The following LRP2 variants were observed in gnomAD, a reference collection of about 807,000 sequenced individuals.
The protein encoded by LRP2 is LDL receptor related protein 2.
Under a neutral mutation model 531.0 loss-of-function variants are expected in LRP2, and 172 were observed. The ratio of observed to expected loss-of-function variants is 0.32; its 90% CI spans 0.29 to 0.37. The LOEUF is 0.37. LRP2 is among the 10% of genes least tolerant of loss of function. The pLI is 1.00. For missense variants in LRP2, 5,167 were observed against 5,868.3 expected, an observed-to-expected ratio of 0.88 and a Z score of 3.90; for synonymous variants, 1,992 against 2,027.6, an observed-to-expected ratio of 0.98 and a Z score of 0.47.
intron 53 of LRP2, among the ~76,000 whole-genome samples, chr2:169,177,341 A>T (rs1687232944): frequency 6.6e-6 from 1 of 152,184 alleles, no homozygotes; most frequent in Non-Finnish European, 1.5e-5. Flanking sequence ...AAAAAACACT[A>T]AAACGCACTG....
In LRP2 at chr2:169,362,387, G is replaced by T; in HGVS notation, c.13C>A (p.Pro5Thr). 3 of 1,565,226 alleles carry T rather than the reference G, an allele frequency of 1.9e-6. No individual in the cohort carries two copies. The highest frequency in any genetic ancestry group is 1.8e-5 in the Admixed American group (1 of 54,606). Reference sequence around the variant, plus strand: ...AGCAGCGTGCACGCCACTGCTGCCGGCCCGCGATCCATCTCCGCGACGGTC... The same window carrying T: ...AGCAGCGTGCACGCCACTGCTGCCGTCCCGCGATCCATCTCCGCGACGGTC... Reference protein sequence around the residue: MDRGPAAVACTLLLA... With the variant: MDRGTAAVACTLLLA... The change falls in exon 1 of 79, where the codon CCG (proline) becomes ACG (threonine). Residue 5 changes from proline to threonine, a missense_variant. Physicochemically the swap from Pro to Thr is conservative, Grantham distance 38. This residue lies in a region of LRP2 where 2,811 missense variants were observed against 3,058.0 expected (regional missense o/e 0.92). Coordinates refer to ENST00000649046, the MANE Select transcript of LRP2 (RefSeq NM_004525.3).
chr2:169,357,873 G>C (rs962430802), intron 1 of LRP2, among the ~76,000 whole-genome samples: 2 of 152,074 alleles, frequency 1.3e-5, no homozygotes, highest in Non-Finnish European at 2.9e-5. Context: ...CCTTTAGTAA[G>C]ACTGAAAACC....
At chr2:169,198,270 T>C (rs1002977097) in intron 45 of LRP2, among the ~76,000 whole-genome samples, 5 of 151,784 alleles carry the variant, frequency 3.3e-5, no homozygotes, top group African/African-American at 1.2e-4. Flanking sequence ...AAAAATTAGC[T>C]GGGCATGGTG....
chr2:169,225,703 C>T lies in LRP2; in HGVS notation c.5395-250G>A, dbSNP rs16856642. On this transcript the variant is annotated intron_variant, in intron 32 of 78. Transcript: ENST00000649046. ...CTACAGAGATAGTTCTTAACTACCACAAGCATACAAGTCATGAGAAAAACC... is the reference window on the plus strand; with the variant it reads ...CTACAGAGATAGTTCTTAACTACCATAAGCATACAAGTCATGAGAAAAACC... Among the ~76,000 whole-genome samples the T allele has an allele frequency of 0.017, 2,639 of 152,298 alleles. 74 individuals carry two copies. Among genetic ancestry groups the T allele is most frequent in the African/African-American group, 0.058 (2,402 of 41,542 alleles).
chr2:169,265,777 G>A (rs1200659649), intron 16 of LRP2, among the ~76,000 whole-genome samples: 1 of 151,998 alleles, frequency 6.6e-6, no homozygotes, highest in Non-Finnish European at 1.5e-5. Flanking sequence ...TCAGCAAAAT[G>A]AGGAAATAAA....
intron 4 of LRP2, among the ~76,000 whole-genome samples, chr2:169,294,929 T>C (rs1684098260): frequency 6.6e-6 from 1 of 152,000 alleles, no homozygotes; most frequent in African/African-American, 2.4e-5. Flanking sequence ...AATTACAAAC[T>C]GGGATAAGTG....
chr2:169,354,680 G>T (rs78510176), intron 1 of LRP2, among the ~76,000 whole-genome samples: 1,601 of 152,248 alleles, frequency 0.011, 17 homozygotes, highest in African/African-American at 0.037. Context: ...CTCAGCTAAT[G>T]TGATTAGAGA....
At position 169,338,797 on chromosome 2, in the gene LRP2, G is replaced by A. The variant is rs375529596; in HGVS notation, c.80-17913C>T. ...AGGGCAAGGAAGGGGAAGAGCACGCGAAGACTGCTTAGAAGCCAAGTAACT... is the reference window on the plus strand; with the variant it reads ...AGGGCAAGGAAGGGGAAGAGCACGCAAAGACTGCTTAGAAGCCAAGTAACT... On this transcript the variant is annotated intron_variant, in intron 1 of 78. Transcript: ENST00000649046. 1.9e-3 allele frequency among the ~76,000 whole-genome samples: 295 copies of A among 152,256 alleles called. 1 individual carries two copies. In the South Asian group the frequency reaches 0.026, roughly 13 times the overall value.
chr2:169,184,521 T>C (rs1210497332), intron 50 of LRP2, among the ~76,000 whole-genome samples: 1 of 152,236 alleles, frequency 6.6e-6, no homozygotes, highest in East Asian at 1.9e-4. Context: ...TGCAGATTGA[T>C]GTCTATTGAC....
rs1219304184 is a variant in LRP2, at chr2:169,235,700, T to C, written c.4920+140A>G. 15 of 709,300 alleles carry C rather than the reference T, an allele frequency of 2.1e-5. No homozygotes were observed. In the Admixed American group the frequency reaches 2.2e-4, roughly 10 times the overall value. 43.9% of individuals were successfully genotyped at this position (709,300 alleles called of 1,614,324 possible). ...TTAGTCATATGGGATAGACTGCCTC[T>C]CACTGTTGCTGGTATTTCCTGGATT... On this transcript the variant is annotated intron_variant, in intron 29 of 78. Coordinates refer to ENST00000649046, the MANE Select transcript of LRP2 (RefSeq NM_004525.3).
intron 1 of LRP2, among the ~76,000 whole-genome samples, chr2:169,355,979 C>G (rs1233565086): frequency 6.6e-6 from 1 of 152,188 alleles, no homozygotes; most frequent in African/African-American, 2.4e-5. Flanking sequence ...TAGCCTCGAC[C>G]TCCTGGGCTC....
chr2:169,223,079 G>A (rs1689075922), intron 33 of LRP2, among the ~76,000 whole-genome samples: 1 of 152,138 alleles, frequency 6.6e-6, no homozygotes, highest in Non-Finnish European at 1.5e-5. Flanking sequence ...AGGATATCCA[G>A]GATCAACTGA....
chr2:169,187,582 T>C (rs1265469154), intron 49 of LRP2, among the ~76,000 whole-genome samples: 1 of 152,150 alleles, frequency 6.6e-6, no homozygotes, highest in Non-Finnish European at 1.5e-5. Context: ...CCCATTCAAT[T>C]ACCTGAGGAC....
Position 169,205,524 on chromosome 2 carries a change from G to A in LRP2, c.7670C>T (p.Thr2557Ile). 6.2e-7 allele frequency: 1 copy of A among 1,614,158 alleles called. No homozygotes were observed. Among genetic ancestry groups the A allele is most frequent in the Non-Finnish European group, 8.5e-7 (1 of 1,180,010 alleles). ...NSSLVMPSGL[T>I]LDYEEDLLYW... is the part of the protein sequence containing the mutation. Reference sequence around the variant, plus strand: ...GAGAAGGTCCTCTTCATAGTCCAGAGTCAGCCCACTGGGCATGACCAGACT... The same window carrying A: ...GAGAAGGTCCTCTTCATAGTCCAGAATCAGCCCACTGGGCATGACCAGACT... The change falls in exon 41 of 79, where the codon ACT becomes ATT. Residue 2557 changes from threonine (T) to isoleucine (I), a missense_variant. Thr to Ile is a moderately conservative substitution (Grantham distance 89). Coordinates refer to ENST00000649046, the MANE Select transcript of LRP2 (RefSeq NM_004525.3).
intron 3 of LRP2, among the ~76,000 whole-genome samples, chr2:169,314,005 T>G (rs1026209424): frequency 4.6e-5 from 7 of 152,228 alleles, no homozygotes; most frequent in Non-Finnish European, 1.0e-4. Flanking sequence ...CTTTTACTTA[T>G]ATGTAGTATA....
rs144054579 is a variant in LRP2, at chr2:169,231,786, C to G, written c.5155G>C (p.Gly1719Arg). ...CSHLCLLSSQ[G>R]PHFYSCVCPS... ...CAAACACAGGAGTAAAAATGAGGCC[C>G]CTGTGAGGAAAGCAGGCAGAGATGG... is the stretch of plus-strand genomic sequence containing the variant. The change falls in exon 31 of 79, where the codon GGG becomes CGG. Residue 1719 changes from glycine to arginine, a missense_variant. This residue lies in a region of LRP2 where 2,811 missense variants were observed against 3,058.0 expected (regional missense o/e 0.92). Coordinates refer to ENST00000649046, the MANE Select transcript of LRP2 (RefSeq NM_004525.3). 2.9e-5 allele frequency: 46 copies of G among 1,614,018 alleles called. No homozygotes were observed. The African/African-American group carries it at 4.7e-4, about 16-fold the overall frequency.
chr2:169,168,689 A>G lies in LRP2; in HGVS notation c.11498-13T>C, dbSNP rs368956978. ...GGAAAGCGTGTGGCTGCCATGGGGGAAAAAAACATATTCAAATTATTATAC... is the reference window on the plus strand; with the variant it reads ...GGAAAGCGTGTGGCTGCCATGGGGGGAAAAAACATATTCAAATTATTATAC... On this transcript the variant is annotated splice_polypyrimidine_tract_variant and intron_variant, in intron 60 of 78. Coordinates refer to ENST00000649046, the MANE Select transcript of LRP2 (RefSeq NM_004525.3). The G allele has an allele frequency of 1.5e-4, 202 of 1,327,362 alleles. 1 individual carries two copies. In the East Asian group the frequency reaches 3.3e-3, roughly 21 times the overall value. The allele number at this position is 1,327,362 out of a possible 1,614,324, so 82.2% of individuals were successfully genotyped here.
chr2:169,176,370 G>C (rs373120606), intron 54 of LRP2, 41 bp downstream of exon 54: 22 of 1,611,162 alleles, frequency 1.4e-5, no homozygotes, highest in Admixed American at 1.0e-4. Context: ...GTCTGTCCAC[G>C]GGCTAGAGAG....
intron 58 of LRP2, 151 bp from the exon 59 acceptor site, chr2:169,170,818 A>C: frequency 1.5e-6 from 1 of 687,266 alleles, no homozygotes; most frequent in Non-Finnish European, 2.6e-6. Context: ...ACCCTCCAAA[A>C]CTAGACCTTT....
Sources: gnomAD v4.1 joint callset for allele counts (sites outside exome capture counted in the v4.1 genomes callset) on GRCh38, gnomAD v4.1.1 for gene constraint, gnomAD v4.1.1 regional missense constraint, MANE v1.5 for transcripts, NCBI Gene and HGNC (gene_info 2026-07-23, HGNC 2026-07-21) for gene names.